CPNE3: variants seen among roughly 807,000 people sequenced by gnomAD.
CPNE3 encodes copine-3.
In CPNE3, 68 loss-of-function variants were observed where a neutral mutation model predicts 63.9. The observed-to-expected ratio is 1.06, with a 90% confidence interval of 0.87 to 1.30. The LOEUF is 1.30. CPNE3 is among the 50% of genes most tolerant of loss of function. CPNE3 has a pLI of 0.00. For synonymous variants in CPNE3, 219 were observed against 197.5 expected, an observed-to-expected ratio of 1.11 and a Z score of -0.91; for missense variants, 665 against 578.1, an observed-to-expected ratio of 1.15 and a Z score of -1.54.
intron 2 of CPNE3, among the ~76,000 whole-genome samples, chr8:86,522,864 C>T (rs1435557294): frequency 6.6e-6 from 1 of 152,150 alleles, no homozygotes; most frequent in Non-Finnish European, 1.5e-5. Context: ...CCGACTTCTC[C>T]TTCACAATTG....
intron 10 of CPNE3, 123 bp from the exon 11 acceptor site, chr8:86,547,588 T>C (rs1194762843): frequency 1.6e-6 from 1 of 637,934 alleles, no homozygotes; most frequent in East Asian, 2.9e-5. Flanking sequence ...AATGCAGGGG[T>C]AATTTCCATG....
Position 86,551,253 on chromosome 8 carries a change from A to G in CPNE3, c.1120+19A>G. On this transcript the variant is annotated intron_variant, in intron 14 of 16. Coordinates refer to ENST00000517490, the MANE Select transcript of CPNE3 (RefSeq NM_003909.5). Reference sequence around the variant, plus strand: ...TGCAATGGTAAGTTAAAAAATAAACATGAAGACTTCAAATGGAAAGGCTCA... The same window carrying G: ...TGCAATGGTAAGTTAAAAAATAAACGTGAAGACTTCAAATGGAAAGGCTCA... The G allele has an allele frequency of 1.3e-6, 2 of 1,514,230 alleles. No individual in the cohort carries two copies. The highest frequency in any genetic ancestry group is 2.3e-5 in the South Asian group (2 of 88,832). The allele number at this position is 1,514,230 out of a possible 1,614,324, so 93.8% of individuals were successfully genotyped here.
At chr8:86,526,917 T>C (rs1820554455) in intron 2 of CPNE3, among the ~76,000 whole-genome samples, 1 of 152,206 alleles carries the variant, frequency 6.6e-6, no homozygotes, top group South Asian at 2.1e-4. Flanking sequence ...ATTTTTGACA[T>C]ATGTTGAGGA....
Position 86,529,129 on chromosome 8 carries a change from G to A in CPNE3, c.312+5G>A. On this transcript the variant is annotated splice_donor_5th_base_variant and intron_variant, in intron 4 of 16. Coordinates refer to ENST00000517490, the MANE Select transcript of CPNE3 (RefSeq NM_003909.5). The stretch of plus-strand genomic sequence containing the variant: ...TGTGAATGTACCCTTGGACAAGTAA[G>A]TATAAATAGCCACTGTACTCTATTT... 6.2e-7 allele frequency: 1 copy of A among 1,608,676 alleles called. No individual in the cohort carries two copies. Among genetic ancestry groups the A allele is most frequent in the East Asian group, 2.2e-5 (1 of 44,806 alleles).
At position 86,556,135 on chromosome 8, in the gene CPNE3, G is replaced by A; in HGVS notation, c.1288G>A (p.Val430Met). Reference sequence around the variant, plus strand: ...TGTGCTTTTGATTATTACTGATGGTGTGATCACAGACCTTGATGAAACCAG... The same window carrying A: ...TGTGCTTTTGATTATTACTGATGGTATGATCACAGACCTTGATGAAACCAG... ...YFVLLIITDG[V>M]ITDLDETRQA... The change falls in exon 16 of 17, where the codon GTG (valine) becomes ATG (methionine). Residue 430 changes from valine to methionine, a missense_variant. Physicochemically the swap from Val to Met is conservative, Grantham distance 21. Transcript: ENST00000517490. The A allele has an allele frequency of 1.1e-6, 1 of 873,006 alleles. No individual in the cohort carries two copies. Among genetic ancestry groups the A allele is most frequent in the Non-Finnish European group, 2.0e-6 (1 of 501,680 alleles). 54.1% of individuals were successfully genotyped at this position (873,006 alleles called of 1,614,324 possible).
At chr8:86,518,566 G>A (rs368639235) in intron 2 of CPNE3, among the ~76,000 whole-genome samples, 179 of 152,246 alleles carry the variant, frequency 1.2e-3, no homozygotes, top group African/African-American at 4.3e-3. Flanking sequence ...TTGCCAAGAT[G>A]CATGTTCCAT....
At chr8:86,547,095 G>A (rs919443953) in intron 10 of CPNE3, among the ~76,000 whole-genome samples, 4 of 152,114 alleles carry the variant, frequency 2.6e-5, no homozygotes, top group African/African-American at 9.7e-5. Context: ...TTGAATTTCA[G>A]GCAGTTGAAA....
intron 7 of CPNE3, among the ~76,000 whole-genome samples, chr8:86,538,961 T>G (rs565405804): frequency 8.5e-5 from 13 of 152,294 alleles, no homozygotes; most frequent in African/African-American, 2.4e-4. Flanking sequence ...CAACCAGTGG[T>G]TTTAGCATCC....
At chr8:86,547,037 G>A (rs1286651732) in intron 10 of CPNE3, among the ~76,000 whole-genome samples, 2 of 152,142 alleles carry the variant, frequency 1.3e-5, no homozygotes, top group Non-Finnish European at 2.9e-5. Context: ...AATATAATGA[G>A]ATTATATTTC....
At chr8:86,517,101 C>G (rs2131414769) in intron 2 of CPNE3, among the ~76,000 whole-genome samples, 1 of 152,228 alleles carries the variant, frequency 6.6e-6, no homozygotes, top group South Asian at 2.1e-4. Flanking sequence ...ATTTTCCCTT[C>G]TTGTTCTTGC....
Position 86,559,569 on chromosome 8 carries a change from C to G in CPNE3, c.*1159C>G, listed in dbSNP as rs1399317732. On this transcript the variant is annotated 3_prime_UTR_variant, in exon 17 of 17. Coordinates refer to ENST00000517490, the MANE Select transcript of CPNE3 (RefSeq NM_003909.5). ...TTATTAGGTATAAAACCTACTGCAACTTAGAAAAAGGAAAGAAAAAAGAAA... is the reference window on the plus strand; with the variant it reads ...TTATTAGGTATAAAACCTACTGCAAGTTAGAAAAAGGAAAGAAAAAAGAAA... 6.6e-6 allele frequency: 1 copy of G among 151,488 alleles called. No homozygotes were observed. The highest frequency in any genetic ancestry group is 1.9e-4 in the East Asian group (1 of 5,166). The allele number at this position is 151,488 out of a possible 1,614,324, so 9.4% of individuals were successfully genotyped here.
At chr8:86,542,880 A>G (rs1217570226) in intron 8 of CPNE3, among the ~76,000 whole-genome samples, 2 of 152,088 alleles carry the variant, frequency 1.3e-5, no homozygotes, top group African/African-American at 4.8e-5. Flanking sequence ...TGAAATTTTA[A>G]CGTATGAATA....
intron 7 of CPNE3, 25 bp downstream of exon 7, chr8:86,537,671 G>C: frequency 1.6e-6 from 2 of 1,260,352 alleles, no homozygotes; most frequent in Non-Finnish European, 1.2e-6. Context: ...TTGAAAAGCA[G>C]AGTGGAGGTG....
At chr8:86,526,060 C>T (rs985077417) in intron 2 of CPNE3, among the ~76,000 whole-genome samples, 1 of 152,132 alleles carries the variant, frequency 6.6e-6, no homozygotes, top group South Asian at 2.1e-4. Context: ...CGTGGTCACA[C>T]AGCAAGTGCC....
At chr8:86,528,726 C>A (rs755540415) in intron 3 of CPNE3, 49 bp downstream of exon 3, 15 of 1,551,352 alleles carry the variant, frequency 9.7e-6, no homozygotes, top group East Asian at 2.3e-5. Context: ...ACCCTTTTAA[C>A]AATGTGAAGA....
intron 12 of CPNE3, among the ~76,000 whole-genome samples, chr8:86,550,331 C>T (rs1821146769): frequency 6.6e-6 from 1 of 152,160 alleles, no homozygotes; most frequent in Non-Finnish European, 1.5e-5. Flanking sequence ...TCACTGCAGC[C>T]TCCACTTCCT....
intron 14 of CPNE3, among the ~76,000 whole-genome samples, chr8:86,554,379 T>A (rs1462413185): frequency 6.6e-6 from 1 of 152,258 alleles, no homozygotes; most frequent in Non-Finnish European, 1.5e-5. Flanking sequence ...TAAACACTTG[T>A]ATCAGTTAAT....
At chr8:86,528,270 T>C (rs979213451) in intron 2 of CPNE3, among the ~76,000 whole-genome samples, 1 of 152,162 alleles carries the variant, frequency 6.6e-6, no homozygotes, top group Non-Finnish European at 1.5e-5. Flanking sequence ...GTATGTCTTA[T>C]TAGCCATCTT....
intron 8 of CPNE3, 22 bp from the exon 9 acceptor site, chr8:86,544,718 T>A (rs539740400): frequency 1.5e-4 from 182 of 1,197,506 alleles, no homozygotes; most frequent in Non-Finnish European, 2.0e-4. Flanking sequence ...TTTTTATATA[T>A]TTTTATTATA....
Sources: allele counts gnomAD v4.1 joint callset (sites outside exome capture counted in the v4.1 genomes callset), GRCh38; gene constraint gnomAD v4.1.1; transcripts MANE v1.5; gene names NCBI Gene and HGNC (gene_info 2026-07-23, HGNC 2026-07-21).